The following DDHD2 variants were observed in gnomAD, a reference collection of about 807,000 sequenced individuals.
DDHD2 encodes the protein DDHD domain containing 2.
DDHD2 carries 62 observed loss-of-function variants against 91.2 expected under a neutral mutation model. The observed-to-expected ratio is 0.68, with a 90% confidence interval of 0.55 to 0.84. The LOEUF is 0.84. Among genes scored for constraint, DDHD2 ranks in the 40% least tolerant of loss-of-function variants. DDHD2 has a pLI of 0.00. For missense variants in DDHD2, 740 were observed against 846.9 expected, an observed-to-expected ratio of 0.87 and a Z score of 1.57; for synonymous variants, 271 against 293.9, an observed-to-expected ratio of 0.92 and a Z score of 0.80.
At position 38,268,200 on chromosome 8, in the gene DDHD2, T is replaced by A. The variant is rs1197728935; in HGVS notation, n.88-2922T>A. Reference sequence around the variant, plus strand: ...TTTAGGCACAGGGCTGCCTGCCGTGTAGCCTGCGTAACCAAGTCCCTGCAG... The same window carrying A: ...TTTAGGCACAGGGCTGCCTGCCGTGAAGCCTGCGTAACCAAGTCCCTGCAG... On this transcript the variant is annotated intron_variant and non_coding_transcript_variant, in intron 1 of 1. Coordinates refer to the DDHD2 transcript ENST00000526071. 5 of 1,095,226 alleles carry A rather than the reference T, an allele frequency of 4.6e-6. No individual in the cohort carries two copies. In the South Asian group the frequency reaches 8.2e-5, roughly 18 times the overall value. The allele number at this position is 1,095,226 out of a possible 1,614,324, so 67.8% of individuals were successfully genotyped here. A position where few individuals can be genotyped will look rare whatever the true frequency, so the allele number is the denominator to read the frequency against.
chr8:38,272,087 C>G (rs1169323183), downstream of DDHD2: 1 of 152,222 alleles, frequency 6.6e-6, no homozygotes, highest in Non-Finnish European at 1.5e-5. Context: ...CCTGTCCCAT[C>G]TGAGGGTCCT....
At chr8:38,266,089 G>GAAT, downstream of DDHD2, 1 of 1,562,212 alleles carries the variant, frequency 6.4e-7, no homozygotes, top group Non-Finnish European at 8.8e-7. Context: ...TAGGTGCTAG[G>GAAT]AATAAAATGA....
chr8:38,269,836 A>C (rs1027675062), intron 1 of DDHD2: 34 of 152,280 alleles, frequency 2.2e-4, no homozygotes, highest in African/African-American at 8.0e-4. Context: ...AGTATTTGTA[A>C]AATAAAAAAG....
chr8:38,268,352 C>T (rs1180291300), intron 1 of DDHD2: 3 of 1,553,910 alleles, frequency 1.9e-6, no homozygotes, highest in Non-Finnish European at 1.7e-6. Flanking sequence ...GAAACCGGCC[C>T]GAAAGGGCTA....
At chr8:38,234,308 CATT>C (rs1293974033) in intron 2 of DDHD2, 83 bp from the exon 3 acceptor site, 1 of 1,006,636 alleles carries the variant, frequency 9.9e-7, no homozygotes, top group Non-Finnish European at 1.4e-6. Context: ...TGTTTCATAA[CATT>C]ATTTAGAGTA....
At chr8:38,247,918 A>G (rs1005329629) in intron 10 of DDHD2, 83 bp downstream of exon 10, 2 of 1,085,054 alleles carry the variant, frequency 1.8e-6, no homozygotes, top group Admixed American at 2.8e-5. Flanking sequence ...TACCCTTTAG[A>G]CACTTTTTAG....
intron 11 of DDHD2, chr8:38,251,592 T>C: frequency 4.5e-6 from 1 of 222,498 alleles, no homozygotes; most frequent in Non-Finnish European, 8.8e-6. Context: ...CATCTAAGAA[T>C]GTCAATTAAC....
intron 16 of DDHD2, among the ~76,000 whole-genome samples, chr8:38,259,670 C>T (rs1806821946): frequency 6.6e-6 from 1 of 152,130 alleles, no homozygotes; most frequent in African/African-American, 2.4e-5. Context: ...AGGCGTGAGC[C>T]ACCGTGCCCA....
At chr8:38,265,116 A>G (rs749951152), downstream of DDHD2, 10 of 579,930 alleles carry the variant, frequency 1.7e-5, no homozygotes, top group Non-Finnish European at 3.1e-5. Flanking sequence ...AAATACAAAA[A>G]TTAGCCGGGC....
chr8:38,241,078 A>T (rs1805221120), intron 6 of DDHD2, among the ~76,000 whole-genome samples: 1 of 151,984 alleles, frequency 6.6e-6, no homozygotes, highest in African/African-American at 2.4e-5. Flanking sequence ...AAAAAAAAAA[A>T]AAAAAAGGTG....
At chr8:38,258,491 G>A (rs1339051712) in intron 16 of DDHD2, among the ~76,000 whole-genome samples, 6 of 152,128 alleles carry the variant, frequency 3.9e-5, no homozygotes, top group African/African-American at 1.4e-4. Flanking sequence ...GACCTCAGGT[G>A]ATCTGCCTGC....
intron 6 of DDHD2, chr8:38,242,010 C>T (rs935518064): frequency 4.0e-5 from 15 of 370,392 alleles, no homozygotes; most frequent in Non-Finnish European, 5.3e-5. Flanking sequence ...GGTGAGATCT[C>T]GCCACTGCAC....
At position 38,232,978 on chromosome 8, in the gene DDHD2, T is replaced by C. The variant is rs2130732238; in HGVS notation, c.-8-9T>C. 2.5e-6 allele frequency: 4 copies of C among 1,607,880 alleles called. No homozygotes were observed. The East Asian group carries it at 8.9e-5, about 36-fold the overall frequency. ...GTTCGTTTTCCTGATAGTTTTCTTTTGTCTTTAGAGAGCGAAATGTCATCA... is the reference window on the plus strand; with the variant it reads ...GTTCGTTTTCCTGATAGTTTTCTTTCGTCTTTAGAGAGCGAAATGTCATCA... On this transcript the variant is annotated splice_polypyrimidine_tract_variant and intron_variant, in intron 1 of 17. Coordinates refer to ENST00000397166, the MANE Select transcript of DDHD2 (RefSeq NM_015214.3).
chr8:38,247,981 C>T lies in DDHD2; in HGVS notation c.1248+146C>T, dbSNP rs146722367. On this transcript the variant is annotated intron_variant, in intron 10 of 17. Transcript: ENST00000397166. ...TTAGCATTATTTATTTGCTTTTTATCATATCAAGTGACCTTTGCTTTGTGG... is the reference window on the plus strand; with the variant it reads ...TTAGCATTATTTATTTGCTTTTTATTATATCAAGTGACCTTTGCTTTGTGG... The T allele has an allele frequency of 2.5e-4, 163 of 648,040 alleles. 2 individuals are homozygous for T. The East Asian group carries it at 5.1e-3, about 20-fold the overall frequency. 40.1% of individuals were successfully genotyped at this position (648,040 alleles called of 1,614,324 possible). A position where few individuals can be genotyped will look rare whatever the true frequency, so the allele number is the denominator to read the frequency against.
intron 5 of DDHD2, 36 bp downstream of exon 5, chr8:38,238,245 T>G (rs1804962024): frequency 6.2e-7 from 1 of 1,611,742 alleles, no homozygotes; most frequent in Non-Finnish European, 8.5e-7. Context: ...TACCTTTGGA[T>G]GTATTTGTTT....
intron 16 of DDHD2, among the ~76,000 whole-genome samples, chr8:38,254,522 C>T (rs1413329574): frequency 6.6e-6 from 1 of 151,866 alleles, no homozygotes; most frequent in African/African-American, 2.4e-5. Flanking sequence ...GTAGGATGAC[C>T]GTTGTGCACC....
chr8:38,235,034 G>C (rs776506101), intron 3 of DDHD2, among the ~76,000 whole-genome samples: 25 of 151,974 alleles, frequency 1.6e-4, no homozygotes, highest in Non-Finnish European at 3.5e-4. Flanking sequence ...ATGGTTTGAC[G>C]GTTTGTAAAG....
intron 1 of DDHD2, chr8:38,268,752 C>T: frequency 7.0e-7 from 1 of 1,434,122 alleles, no homozygotes; most frequent in Non-Finnish European, 9.1e-7. Flanking sequence ...CCCTAGGAGG[C>T]GGAACCCAGC....
Position 38,240,155 on chromosome 8 carries a change from A to G in DDHD2, c.623-120A>G, listed in dbSNP as rs184839661. 2.0e-3 allele frequency: 961 copies of G among 481,220 alleles called. 4 individuals carry two copies. The highest frequency in any genetic ancestry group is 3.3e-3 in the Middle Eastern group (7 of 2,144). 29.8% of individuals were successfully genotyped at this position (481,220 alleles called of 1,614,324 possible). ...CTAGGTACTTAAAGGACTATTTTGT[A>G]TCTTTTAAATTATCTGTTCATCTTT... On this transcript the variant is annotated intron_variant, in intron 5 of 17. Coordinates refer to ENST00000397166, the MANE Select transcript of DDHD2 (RefSeq NM_015214.3).
Sources: gnomAD v4.1 joint callset for allele counts (sites outside exome capture counted in the v4.1 genomes callset) on GRCh38, gnomAD v4.1.1 for gene constraint, MANE v1.5 for transcripts, NCBI Gene and HGNC (gene_info 2026-07-23, HGNC 2026-07-21) for gene names.